The following OPRD1 variants were observed in gnomAD, a reference collection of about 807,000 sequenced individuals.
OPRD1 encodes opioid receptor delta 1, also known as delta-type opioid receptor.
OPRD1 carries 19 observed loss-of-function variants against 17.5 expected under a neutral mutation model. That is an observed-to-expected ratio of 1.09 (90% CI 0.76 to 1.60). The LOEUF (loss-of-function observed/expected upper bound fraction) is 1.60. Ranked by LOEUF, OPRD1 falls within the 40% of genes most tolerant of loss-of-function variation. The probability of loss-of-function intolerance (pLI) is 0.00; values close to 1 mark genes in which losing one functional copy is unlikely to be tolerated. For synonymous variants in OPRD1, 256 were observed against 240.9 expected (o/e 1.06, Z -0.58); for missense variants, 483 against 547.2 (o/e 0.88, Z 1.17).
At chr1:28,819,252 A>G (rs2088693186) in intron 1 of OPRD1, among the ~76,000 whole-genome samples, 2 of 151,952 alleles carry the variant, frequency 1.3e-5, no homozygotes, top group African/African-American at 4.8e-5. Flanking sequence ...TAAGATGTTG[A>G]TCAGACTGGA....
At chr1:28,847,434 C>T (rs2088964024) in intron 1 of OPRD1, among the ~76,000 whole-genome samples, 1 of 152,138 alleles carries the variant, frequency 6.6e-6, no homozygotes, top group Non-Finnish European at 1.5e-5. Context: ...GACATGAGTG[C>T]ACTTAAATGG....
At chr1:28,826,394 T>C (rs1040330305) in intron 1 of OPRD1, among the ~76,000 whole-genome samples, 7 of 151,834 alleles carry the variant, frequency 4.6e-5, no homozygotes, top group African/African-American at 1.7e-4. Context: ...TGTGGTGACA[T>C]GCACCTGTAG....
chr1:28,821,770 T>G (rs2088713580), intron 1 of OPRD1, among the ~76,000 whole-genome samples: 1 of 151,954 alleles, frequency 6.6e-6, no homozygotes, highest in African/African-American at 2.4e-5. Context: ...CCGGGCATGG[T>G]GGCTCACCCC....
At chr1:28,829,539 T>C (rs2088795074) in intron 1 of OPRD1, among the ~76,000 whole-genome samples, 1 of 152,030 alleles carries the variant, frequency 6.6e-6, no homozygotes, top group Admixed American at 6.6e-5. Flanking sequence ...AGCTAATTTT[T>C]TGTATTTTTA....
chr1:28,845,677 A>G (rs1324719663), intron 1 of OPRD1, among the ~76,000 whole-genome samples: 1 of 152,096 alleles, frequency 6.6e-6, no homozygotes, highest in Non-Finnish European at 1.5e-5. Flanking sequence ...CTTTCCCACT[A>G]TATTTTCTTC....
intron 1 of OPRD1, among the ~76,000 whole-genome samples, chr1:28,831,102 C>A (rs552507370): frequency 3.3e-5 from 5 of 152,376 alleles, no homozygotes; most frequent in Admixed American, 1.3e-4. Flanking sequence ...GGAAATACCC[C>A]ACATCTAGTG....
At chr1:28,856,049 G>A (rs370909510) in intron 1 of OPRD1, among the ~76,000 whole-genome samples, 3 of 152,138 alleles carry the variant, frequency 2.0e-5, no homozygotes, top group East Asian at 1.9e-4. Context: ...TGAGTGCCTC[G>A]TCCTAGGTGT....
chr1:28,812,509 C>T lies in OPRD1; in HGVS notation c.126C>T (p.Ser42=), dbSNP rs745656918. ...ANASGPPGAR[S]ASSLALAIAI... is the part of the protein sequence containing the mutation. ...CGTCGGGGCCGCCAGGCGCGCGGAG[C>T]GCCTCGTCCCTCGCCCTGGCAATCG... Residue 42 remains serine, a synonymous_variant, in exon 1 of 3, where the codon AGC becomes AGT. Coordinates refer to ENST00000234961, the MANE Select transcript of OPRD1 (RefSeq NM_000911.4). 7.0e-6 allele frequency: 11 copies of T among 1,568,350 alleles called. No individual in the cohort carries two copies. In the East Asian group the frequency reaches 2.2e-4, roughly 31 times the overall value.
chr1:28,839,502 C>T (rs566506668), intron 1 of OPRD1, among the ~76,000 whole-genome samples: 3 of 152,262 alleles, frequency 2.0e-5, no homozygotes, highest in African/African-American at 7.2e-5. Flanking sequence ...TCCAGCAATC[C>T]ACACTGGATT....
Position 28,827,317 on chromosome 1 carries a change from G to T in OPRD1, c.227+14707G>T, listed in dbSNP as rs577641273. Among the ~76,000 whole-genome samples, 32 of 152,180 alleles carry T rather than the reference G, an allele frequency of 2.1e-4. 1 individual carries two copies. In the South Asian group the frequency reaches 6.2e-3, roughly 30 times the overall value. The stretch of plus-strand genomic sequence containing the variant: ...TCTCAAAAACAAAACAAAACCAAAA[G>T]AAACCACTTTCTTTCTTTTTGATTT... On this transcript the variant is annotated intron_variant, in intron 1 of 2. Coordinates refer to ENST00000234961, the MANE Select transcript of OPRD1 (RefSeq NM_000911.4).
chr1:28,812,584 C>T lies in OPRD1; in HGVS notation c.201C>T (p.Asn67=). 2 of 1,566,360 alleles carry T rather than the reference C, an allele frequency of 1.3e-6. No individual in the cohort carries two copies. Residue 67 remains asparagine (N), a synonymous_variant, in exon 1 of 3, where the codon AAC becomes AAT. Transcript: ENST00000234961. Reference sequence around the variant, plus strand: ...TGTGCGCCGTGGGGCTGCTGGGCAACGTGCTTGTCATGTTCGGCATCGTCC... The same window carrying T: ...TGTGCGCCGTGGGGCTGCTGGGCAATGTGCTTGTCATGTTCGGCATCGTCC... ...SAVCAVGLLG[N]VLVMFGIVRY... is the part of the protein sequence containing the mutation.
rs186366327 is a variant in OPRD1 at position 28,863,691 on chromosome 1, G to A, written c.*408G>A. 72 of 180,016 alleles carry A rather than the reference G, an allele frequency of 4.0e-4. 2 individuals carry two copies. The highest frequency in any genetic ancestry group is 1.9e-4 in the South Asian group (1 of 5,330). The allele number at this position is 180,016 out of a possible 1,614,324, so 11.2% of individuals were successfully genotyped here. A position where few individuals can be genotyped will look rare whatever the true frequency, so the allele number is the denominator to read the frequency against. On this transcript the variant is annotated 3_prime_UTR_variant, in exon 3 of 3. Transcript: ENST00000234961. ...GCCGGACTTTCGGAGTTGGGGGTCCGGGCCCAGGACCCAGAAAGGGCAGTG... is the reference window on the plus strand; with the variant it reads ...GCCGGACTTTCGGAGTTGGGGGTCCAGGCCCAGGACCCAGAAAGGGCAGTG...
At chr1:28,829,760 A>T (rs1314912171) in intron 1 of OPRD1, among the ~76,000 whole-genome samples, 1 of 152,122 alleles carries the variant, frequency 6.6e-6, no homozygotes, top group Admixed American at 6.6e-5. Flanking sequence ...CCCAGGCTGG[A>T]GTGCAGTGAT....
chr1:28,828,469 T>C (rs1382624187), intron 1 of OPRD1, among the ~76,000 whole-genome samples: 1 of 151,984 alleles, frequency 6.6e-6, no homozygotes, highest in African/African-American at 2.4e-5. Context: ...CCCTAGGATT[T>C]TTGGAATGGT....
chr1:28,830,867 G>T (rs1557571486), intron 1 of OPRD1, among the ~76,000 whole-genome samples: 1 of 152,234 alleles, frequency 6.6e-6, no homozygotes, highest in Non-Finnish European at 1.5e-5. Context: ...GGATGATGCT[G>T]TATGGCTTTA....
chr1:28,824,133 C>T (rs1291290155), intron 1 of OPRD1, among the ~76,000 whole-genome samples: 8 of 146,680 alleles, frequency 5.5e-5, no homozygotes, highest in Admixed American at 1.4e-4. Flanking sequence ...GAGCCGAGAT[C>T]GCATCACTGC....
At chr1:28,843,372 C>T (rs890892995) in intron 1 of OPRD1, among the ~76,000 whole-genome samples, 20 of 152,268 alleles carry the variant, frequency 1.3e-4, no homozygotes, top group African/African-American at 2.9e-4. Context: ...CCATCACAAC[C>T]GTTCGTCTCC....
chr1:28,817,910 G>GA (rs1481802848), intron 1 of OPRD1, among the ~76,000 whole-genome samples: 4 of 143,558 alleles, frequency 2.8e-5, no homozygotes, highest in Non-Finnish European at 6.1e-5. Context: ...GGCGGGGGGG[G>GA]GGTTTCACCA....
At chr1:28,861,343 T>C (rs1376090621) in intron 2 of OPRD1, among the ~76,000 whole-genome samples, 1 of 152,106 alleles carries the variant, frequency 6.6e-6, no homozygotes, top group East Asian at 1.9e-4. Flanking sequence ...ACTCCAGGAA[T>C]GGGGAGCTCA....
Sources: allele counts gnomAD v4.1 joint callset (sites outside exome capture counted in the v4.1 genomes callset), GRCh38; gene constraint gnomAD v4.1.1; transcripts MANE v1.5; gene names NCBI Gene and HGNC (gene_info 2026-07-23, HGNC 2026-07-21).